The following ZFPM1 variants were observed in gnomAD, a reference collection of about 807,000 sequenced individuals.
The protein encoded by ZFPM1 is zinc finger protein, FOG family member 1.
In ZFPM1, 28 loss-of-function variants were observed where a neutral mutation model predicts 46.3. The observed-to-expected ratio is 0.60, with a 90% confidence interval of 0.45 to 0.83. ZFPM1 has a LOEUF of 0.83. Ranked by LOEUF, ZFPM1 falls within the 40% of genes least tolerant of loss-of-function variation. ZFPM1 has a pLI of 0.00. For synonymous variants in ZFPM1, 957 were observed against 675.9 expected, an observed-to-expected ratio of 1.42 and a Z score of -6.45; for missense variants, 1,878 against 1,432.4, an observed-to-expected ratio of 1.31 and a Z score of -5.02.
rs1288421828 is a variant in ZFPM1, at chr16:88,469,257, A to C, written c.40+15579A>C. 6.6e-6 allele frequency among the ~76,000 whole-genome samples: 1 copy of C among 152,160 alleles called. No individual in the cohort carries two copies. The highest frequency in any genetic ancestry group is 1.5e-5 in the Non-Finnish European group (1 of 68,026). On this transcript the variant is annotated intron_variant, in intron 1 of 9. Transcript: ENST00000319555. The surrounding 1 kb of genome is among the most constrained non-coding windows in gnomAD (Gnocchi z 4.3). ...AAGCTTCTGAAGTGCCGGCCGGGCC[A>C]GGGACGTGGCACCATCTTAATGAAT...
Position 88,532,842 on chromosome 16 carries a change from C to G in ZFPM1, c.1096C>G (p.His366Asp). The G allele has an allele frequency of 1.2e-6, 2 of 1,613,490 alleles. No homozygotes were observed. The highest frequency in any genetic ancestry group is 1.7e-6 in the Non-Finnish European group (2 of 1,179,970). Residue 366 changes from histidine (H) to aspartate (D), a missense_variant, in exon 9 of 10, where the codon CAC becomes GAC. Transcript: ENST00000319555. ...CACCACAAGGGACATCCTCTACAGC[C>G]ACTTGGTCACCAACCACATGGTCTG... ...ISTTRDILYS[H>D]LVTNHMVCQP...
In ZFPM1 at chr16:88,528,544, C is replaced by G. The variant is rs992891495; in HGVS notation, c.712+306C>G. The stretch of plus-strand genomic sequence containing the variant: ...CCAGTGCTTTCCCTGGGGGCAGACG[C>G]GGGGGCGGCCCTGACTGTGGGCCAG... On this transcript the variant is annotated intron_variant, in intron 6 of 9. Transcript: ENST00000319555. 2.6e-5 allele frequency among the ~76,000 whole-genome samples: 4 copies of G among 152,184 alleles called. No individual in the cohort carries two copies. The South Asian group carries it at 8.3e-4, about 32-fold the overall frequency.
At chr16:88,463,254 G>T (rs1021098052) in intron 1 of ZFPM1, among the ~76,000 whole-genome samples, 1 of 152,340 alleles carries the variant, frequency 6.6e-6, no homozygotes, top group Admixed American at 6.5e-5. Context: ...ACGGTTGATG[G>T]CGCATCTATC....
intron 3 of ZFPM1, among the ~76,000 whole-genome samples, chr16:88,493,893 G>A (rs903903980): frequency 3.9e-5 from 6 of 152,168 alleles, no homozygotes; most frequent in Admixed American, 1.3e-4. Flanking sequence ...GCTCTCGAGC[G>A]CCACGGCTTC....
At chr16:88,496,281 C>G (rs1909926552) in intron 3 of ZFPM1, among the ~76,000 whole-genome samples, 1 of 151,986 alleles carries the variant, frequency 6.6e-6, no homozygotes, top group African/African-American at 2.4e-5. Flanking sequence ...CTGGCTTTAT[C>G]CTGAGAGCAC....
intron 3 of ZFPM1, among the ~76,000 whole-genome samples, chr16:88,506,074 C>A (rs1241904018): frequency 6.6e-6 from 1 of 152,124 alleles, no homozygotes; most frequent in Non-Finnish European, 1.5e-5. Flanking sequence ...TCTAGGCCAA[C>A]CCCACCCTGG....
chr16:88,524,739 C>G (rs1567552250), intron 4 of ZFPM1, among the ~76,000 whole-genome samples: 1 of 152,238 alleles, frequency 6.6e-6, no homozygotes, highest in Non-Finnish European at 1.5e-5. Flanking sequence ...ACTGACCCCC[C>G]TGAGACTGCC....
In ZFPM1 at chr16:88,533,375, G is replaced by A. The variant is rs1912964943; in HGVS notation, c.1417G>A (p.Ala473Thr). Residue 473 changes from alanine (A) to threonine (T), a missense_variant, in exon 10 of 10, where the codon GCC (alanine) becomes ACC (threonine). Physicochemically the swap from Ala to Thr is moderately conservative, Grantham distance 58 (BLOSUM62 0). Coordinates refer to ENST00000319555, the MANE Select transcript of ZFPM1 (RefSeq NM_153813.3). ...KVEAVEEPEAAPILGPGEPGP... is the reference protein window; with the variant it reads ...KVEAVEEPEATPILGPGEPGP... ...GGAGGCGGTGGAGGAGCCGGAGGCG[G>A]CCCCCATCCTGGGCCCCGGAGAGCC... is the stretch of plus-strand genomic sequence containing the variant. 4.2e-5 allele frequency: 64 copies of A among 1,528,070 alleles called. No individual in the cohort carries two copies. Among genetic ancestry groups the A allele is most frequent in the Non-Finnish European group, 5.4e-5 (62 of 1,143,300 alleles). The allele number at this position is 1,528,070 out of a possible 1,614,324, so 94.7% of individuals were successfully genotyped here. A position where few individuals can be genotyped will look rare whatever the true frequency, so the allele number is the denominator to read the frequency against.
rs1179691391 is a variant in ZFPM1 at position 88,497,526 on chromosome 16, C to T, written c.268+8373C>T. On this transcript the variant is annotated intron_variant, in intron 3 of 9. Transcript: ENST00000319555. The surrounding 1 kb of genome is among the most constrained non-coding windows in gnomAD (Gnocchi z 5.4). The stretch of plus-strand genomic sequence containing the variant: ...AGGGGTCAGGGTGGGGCTCAGGGCC[C>T]GGGCGGGGATGGGGTTCAGCGGGGT... 1.1e-3 allele frequency among the ~76,000 whole-genome samples: 38 copies of T among 35,838 alleles called. No homozygotes were observed. The highest frequency in any genetic ancestry group is 1.8e-3 in the Non-Finnish European group (32 of 17,812). The allele number at this position is 35,838 out of a possible 152,430, so 23.5% of individuals were successfully genotyped here.
Position 88,532,802 on chromosome 16 carries a change from C to G in ZFPM1, c.1056C>G (p.Ser352Arg). Reference sequence around the variant, plus strand: ...CATGGCCCACAGGTGTCTGCCACAGCTGTGGCTTCATCTCCACCACAAGGG... The same window carrying G: ...CATGGCCCACAGGTGTCTGCCACAGGTGTGGCTTCATCTCCACCACAAGGG... ...HTDTLSGVCH[S>R]CGFISTTRDI... is the part of the protein sequence containing the mutation. Residue 352 changes from serine (S) to arginine (R), a missense_variant, in exon 9 of 10, where the codon AGC (serine) becomes AGG (arginine). Transcript: ENST00000319555. 1.9e-6 allele frequency: 3 copies of G among 1,613,296 alleles called. No individual in the cohort carries two copies. The highest frequency in any genetic ancestry group is 1.1e-5 in the South Asian group (1 of 91,090).
intron 3 of ZFPM1, among the ~76,000 whole-genome samples, chr16:88,505,548 A>T (rs1046361209): frequency 6.6e-6 from 1 of 152,060 alleles, no homozygotes; most frequent in Non-Finnish European, 1.5e-5. Context: ...GGAGGCAGGG[A>T]GGAGGTGGGA....
intron 1 of ZFPM1, among the ~76,000 whole-genome samples, chr16:88,467,991 G>GCACCCCCGCGAGCCCCCCACCGCCCCTCA (rs1908217148): frequency 6.9e-6 from 1 of 145,272 alleles, no homozygotes. Context: ...CTCTCAACCC[G>GCACCCCCGCGAGCCCCCCACCGCCCCTCA]CACACCCGCG....
chr16:88,532,703 C>G lies in ZFPM1; in HGVS notation c.1036C>G (p.Leu346Val). The G allele has an allele frequency of 6.2e-7, 1 of 1,611,630 alleles. No individual in the cohort carries two copies. Among genetic ancestry groups the G allele is most frequent in the Non-Finnish European group, 8.5e-7 (1 of 1,179,206 alleles). ...GCACCTCAAGGTGCACACGGACACG[C>G]TGAGCGGTAGGCACCGCAGGGGCCG... ...ERHLKVHTDT[L>V]SGVCHSCGFI... is the part of the protein sequence containing the mutation. The change falls in exon 8 of 10, where the codon CTG (leucine) becomes GTG (valine). Residue 346 changes from leucine (L) to valine (V), a missense_variant. Leu to Val is a conservative substitution (Grantham distance 32). Coordinates refer to ENST00000319555, the MANE Select transcript of ZFPM1 (RefSeq NM_153813.3).
intron 2 of ZFPM1, among the ~76,000 whole-genome samples, chr16:88,486,445 C>G (rs1046512778): frequency 6.6e-6 from 1 of 152,240 alleles, no homozygotes; most frequent in African/African-American, 2.4e-5. Flanking sequence ...GCTGCTTGGG[C>G]TGAGTGCACA....
Position 88,534,221 on chromosome 16 carries a change from C to T in ZFPM1, c.2263C>T (p.Pro755Ser). The T allele has an allele frequency of 2.0e-6, 2 of 983,710 alleles. No individual in the cohort carries two copies. Among genetic ancestry groups the T allele is most frequent in the Non-Finnish European group, 2.4e-6 (2 of 830,308 alleles). The allele number at this position is 983,710 out of a possible 1,614,324, so 60.9% of individuals were successfully genotyped here. Residue 755 changes from proline to serine, a missense_variant, in exon 10 of 10, where the codon CCG becomes TCG. Pro to Ser is a moderately conservative substitution (Grantham distance 74). Transcript: ENST00000319555. The part of the protein sequence containing the change: ...KLYELHAAGA[P>S]PPPPPGHAPA... Reference sequence around the variant, plus strand: ...CTACGAGCTGCACGCGGCCGGCGCCCCGCCCCCCCCGCCGCCCGGCCACGC... The same window carrying T: ...CTACGAGCTGCACGCGGCCGGCGCCTCGCCCCCCCCGCCGCCCGGCCACGC...
At chr16:88,475,578 A>G (rs1908643273) in intron 1 of ZFPM1, among the ~76,000 whole-genome samples, 2 of 152,088 alleles carry the variant, frequency 1.3e-5, no homozygotes, top group Admixed American at 6.5e-5. Context: ...AGGCCTGAGA[A>G]AGCCCAGGTC....
intron 3 of ZFPM1, among the ~76,000 whole-genome samples, chr16:88,498,522 C>T (rs997408771): frequency 6.6e-6 from 1 of 152,214 alleles, no homozygotes; most frequent in Non-Finnish European, 1.5e-5. Flanking sequence ...TAGCCCAGGC[C>T]CTCCGGGATC....
chr16:88,457,772 C>T lies in ZFPM1; in HGVS notation c.40+4094C>T, dbSNP rs927094503. ...TCCCAAAGCACTGGGGTTCCAGACA[C>T]GAGGCACCGCACCTGCCCTCAAGCC... is the stretch of plus-strand genomic sequence containing the variant. On this transcript the variant is annotated intron_variant, in intron 1 of 9. Coordinates refer to ENST00000319555, the MANE Select transcript of ZFPM1 (RefSeq NM_153813.3). Among the ~76,000 whole-genome samples the T allele has an allele frequency of 2.6e-5, 4 of 152,064 alleles. No individual in the cohort carries two copies. In the South Asian group the frequency reaches 6.2e-4, roughly 24 times the overall value.
rs886556390 is a variant in ZFPM1 at position 88,536,176 on chromosome 16, C to T, written c.*1197C>T. On this transcript the variant is annotated 3_prime_UTR_variant, in exon 10 of 10. Coordinates refer to ENST00000319555, the MANE Select transcript of ZFPM1 (RefSeq NM_153813.3). ...TCCCTATGTTGCCCAGGCTGGGCAA[C>T]CCTATATTTTTTAGAGCTAAGGTCT... 6.6e-6 allele frequency: 1 copy of T among 151,902 alleles called. No homozygotes were observed. The highest frequency in any genetic ancestry group is 2.4e-5 in the African/African-American group (1 of 41,332). 9.4% of individuals were successfully genotyped at this position (151,902 alleles called of 1,614,324 possible).
Sources: allele counts gnomAD v4.1 joint callset (sites outside exome capture counted in the v4.1 genomes callset), GRCh38; gene constraint gnomAD v4.1.1; non-coding constraint Gnocchi (gnomAD v3.1); transcripts MANE v1.5; gene names NCBI Gene and HGNC (gene_info 2026-07-23, HGNC 2026-07-21).